Variants in ILRUN observed in about 807,000 individuals in gnomAD.
The protein encoded by ILRUN is inflammation and lipid regulator with UBA-like and NBR1-like domains, also known as protein ILRUN.
In ILRUN, 3 loss-of-function variants were observed where a neutral mutation model predicts 33.8. The ratio of observed to expected loss-of-function variants is 0.09; its 90% confidence interval spans 0.04 to 0.23. The LOEUF (loss-of-function observed/expected upper bound fraction) is 0.23, where lower values mean the gene tolerates loss of function less well. Ranked by LOEUF, ILRUN falls within the 10% of genes least tolerant of loss-of-function variation. ILRUN has a pLI of 1.00. For missense variants in ILRUN, 210 were observed against 375.1 expected, an observed-to-expected ratio of 0.56 and a Z score of 3.64; for synonymous variants, 124 against 138.9, an observed-to-expected ratio of 0.89 and a Z score of 0.75.
intron 2 of ILRUN, among the ~76,000 whole-genome samples, chr6:34,650,014 A>G (rs2127361969): frequency 6.6e-6 from 1 of 152,276 alleles, no homozygotes; most frequent in Non-Finnish European, 1.5e-5. Context: ...CAAAAAATAA[A>G]GACGACTCTG....
chr6:34,614,817 T>C (rs1326147994), intron 3 of ILRUN, among the ~76,000 whole-genome samples: 11 of 152,172 alleles, frequency 7.2e-5, no homozygotes, highest in Admixed American at 6.5e-4. Flanking sequence ...GTACCCTTGA[T>C]AGGGTGCTTT....
chr6:34,640,608 G>A (rs1353197006), intron 3 of ILRUN, among the ~76,000 whole-genome samples: 1 of 151,940 alleles, frequency 6.6e-6, no homozygotes, highest in Non-Finnish European at 1.5e-5. Context: ...TATTTGGGAG[G>A]CTGAGGCAGA....
In ILRUN at chr6:34,643,229, G is replaced by T. The variant is rs985584439; in HGVS notation, c.511+3372C>A. On this transcript the variant is annotated intron_variant, in intron 3 of 4. Coordinates refer to ENST00000374023, the MANE Select transcript of ILRUN (RefSeq NM_024294.4). Reference sequence around the variant, plus strand: ...CAGGACAATCACTTGAACCCAGGAGGTGGAGGTTGCAGTGAGCCAAGATCA... The same window carrying T: ...CAGGACAATCACTTGAACCCAGGAGTTGGAGGTTGCAGTGAGCCAAGATCA... 3.3e-5 allele frequency among the ~76,000 whole-genome samples: 5 copies of T among 151,674 alleles called. No individual in the cohort carries two copies. The East Asian group carries it at 5.8e-4, about 18-fold the overall frequency.
intron 2 of ILRUN, among the ~76,000 whole-genome samples, chr6:34,654,291 T>C (rs1205075731): frequency 2.0e-5 from 3 of 152,050 alleles, no homozygotes; most frequent in Non-Finnish European, 2.9e-5. Context: ...AGAGCAGAAA[T>C]AAAGTGATGA....
chr6:34,649,645 A>G (rs1762623551), intron 2 of ILRUN, among the ~76,000 whole-genome samples: 1 of 152,246 alleles, frequency 6.6e-6, no homozygotes, highest in Non-Finnish European at 1.5e-5. Flanking sequence ...TAGTAAGTAT[A>G]TACAATTATA....
At chr6:34,619,372 C>T (rs1048430360) in intron 3 of ILRUN, among the ~76,000 whole-genome samples, 8 of 151,846 alleles carry the variant, frequency 5.3e-5, no homozygotes, top group African/African-American at 1.9e-4. Context: ...GTTTTTGAGA[C>T]AGAGAGTCTC....
intron 3 of ILRUN, among the ~76,000 whole-genome samples, chr6:34,627,426 C>G (rs1325239509): frequency 6.6e-6 from 1 of 152,168 alleles, no homozygotes; most frequent in East Asian, 1.9e-4. Context: ...TACCAAGGAG[C>G]ACAGCTGCTG....
chr6:34,659,384 C>G (rs184564990), intron 1 of ILRUN, among the ~76,000 whole-genome samples: 59 of 152,226 alleles, frequency 3.9e-4, no homozygotes, highest in African/African-American at 1.2e-3. Context: ...TTGCCCTAGG[C>G]TAGGCAATTA....
At chr6:34,596,657 T>C (rs986530920) in intron 4 of ILRUN, among the ~76,000 whole-genome samples, 2 of 152,086 alleles carry the variant, frequency 1.3e-5, no homozygotes, top group African/African-American at 2.4e-5. Flanking sequence ...AATTCAAAGA[T>C]GTATTTGATG....
At chr6:34,644,071 AC>A (rs1762523423) in intron 3 of ILRUN, among the ~76,000 whole-genome samples, 1 of 152,058 alleles carries the variant, frequency 6.6e-6, no homozygotes. Flanking sequence ...TATTCCAACT[AC>A]TTTTGAATTT....
intron 1 of ILRUN, among the ~76,000 whole-genome samples, chr6:34,657,532 A>AT (rs1762798503): frequency 2.0e-5 from 3 of 152,226 alleles, no homozygotes; most frequent in Admixed American, 2.0e-4. Flanking sequence ...ATTAAGAAAC[A>AT]TTTTTAAACC....
intron 3 of ILRUN, among the ~76,000 whole-genome samples, chr6:34,622,521 C>CTTA (rs150580073): frequency 0.03 from 4,618 of 151,936 alleles, 180 homozygotes; most frequent in African/African-American, 0.088. Flanking sequence ...CCACCTCACA[C>CTTA]TTATGATGGC....
chr6:34,595,774 G>C (rs1761387443), intron 4 of ILRUN: 1 of 985,248 alleles, frequency 1.0e-6, no homozygotes, highest in Non-Finnish European at 1.2e-6. Context: ...GGTTCACACA[G>C]GTTAATAAAA....
At chr6:34,641,993 C>T (rs1013685124) in intron 3 of ILRUN, among the ~76,000 whole-genome samples, 1 of 152,082 alleles carries the variant, frequency 6.6e-6, no homozygotes, top group Non-Finnish European at 1.5e-5. Flanking sequence ...TAGTTTGAGG[C>T]ACTAAGGACA....
intron 4 of ILRUN, among the ~76,000 whole-genome samples, chr6:34,605,323 A>AC (rs139735105): frequency 0.11 from 14,528 of 127,498 alleles, 499 homozygotes; most frequent in African/African-American, 0.21. Context: ...AAAAACAAAA[A>AC]AAAAAAAAAA....
chr6:34,641,950 T>C (rs1762482568), intron 3 of ILRUN, among the ~76,000 whole-genome samples: 1 of 152,150 alleles, frequency 6.6e-6, no homozygotes, highest in Admixed American at 6.5e-5. Context: ...AGTAAACTCT[T>C]ACTAGCTTAT....
At chr6:34,663,596 G>T (rs1762936434) in intron 1 of ILRUN, among the ~76,000 whole-genome samples, 1 of 152,050 alleles carries the variant, frequency 6.6e-6, no homozygotes, top group Non-Finnish European at 1.5e-5. Context: ...CTCCTGCCTT[G>T]GCCTCCCAAA....
intron 1 of ILRUN, among the ~76,000 whole-genome samples, chr6:34,672,384 C>G (rs1014006529): frequency 6.6e-6 from 1 of 151,996 alleles, no homozygotes; most frequent in Non-Finnish European, 1.5e-5. Flanking sequence ...CCACTGTGCC[C>G]AACCCAAATC....
chr6:34,617,710 C>T (rs922026719), intron 3 of ILRUN, among the ~76,000 whole-genome samples: 3 of 152,198 alleles, frequency 2.0e-5, no homozygotes, highest in Non-Finnish European at 2.9e-5. Context: ...CGCATCCCTA[C>T]CCATTCTCAC....
Sources: gnomAD v4.1 joint callset for allele counts (sites outside exome capture counted in the v4.1 genomes callset) on GRCh38, gnomAD v4.1.1 for gene constraint, MANE v1.5 for transcripts, NCBI Gene and HGNC (gene_info 2026-07-23, HGNC 2026-07-21) for gene names.